LTBP1: variants seen among roughly 807,000 people sequenced by gnomAD.
LTBP1 encodes the protein latent-transforming growth factor beta-binding protein 1.
In LTBP1, 129 loss-of-function variants were observed where a neutral mutation model predicts 207.6. That is an observed-to-expected ratio of 0.62 (90% CI 0.54 to 0.72). LTBP1 has a LOEUF of 0.72. Ranked by LOEUF, LTBP1 falls within the 30% of genes least tolerant of loss-of-function variation. LTBP1 has a pLI of 0.00. For synonymous variants in LTBP1, 963 were observed against 833.7 expected, an observed-to-expected ratio of 1.16 and a Z score of -2.67; for missense variants, 2,281 against 2,217.2, an observed-to-expected ratio of 1.03 and a Z score of -0.58.
intron 2 of LTBP1, among the ~76,000 whole-genome samples, chr2:33,010,481 CAAT>C (rs1687523733): frequency 1.3e-5 from 2 of 151,994 alleles, no homozygotes; most frequent in African/African-American, 2.4e-5. Context: ...AAGTTAACAA[CAAT>C]GTGTTGTATA....
At position 33,314,118 on chromosome 2, in the gene LTBP1, A is replaced by G. The variant is rs1054351435; in HGVS notation, c.3605-1026A>G. ...AGCATAAAGTCGACAACACAAGTGT[A>G]TGGCATGATCTGTTCATGAGTCTTC... On this transcript the variant is annotated intron_variant, in intron 23 of 33. Coordinates refer to ENST00000404816, the MANE Select transcript of LTBP1 (RefSeq NM_206943.4). 9.2e-5 allele frequency among the ~76,000 whole-genome samples: 14 copies of G among 152,316 alleles called. 1 individual carries two copies. Among genetic ancestry groups the G allele is most frequent in the African/African-American group, 1.4e-4 (6 of 41,564 alleles).
At chr2:33,109,072 A>C (rs543358304) in intron 3 of LTBP1, among the ~76,000 whole-genome samples, 1 of 152,370 alleles carries the variant, frequency 6.6e-6, no homozygotes, top group Admixed American at 6.5e-5. Context: ...GGGTAGACCC[A>C]GATTACTGAC....
Position 32,956,432 on chromosome 2 carries a change from C to T in LTBP1, c.565+7487C>T, listed in dbSNP as rs1181691470. The stretch of plus-strand genomic sequence containing the variant: ...CAGCATCTTCGCCAGGAGTAGATTC[C>T]ATCTCAAGAAACCACCTTCTTTGCT... On this transcript the variant is annotated intron_variant, in intron 2 of 33. Coordinates refer to ENST00000404816, the MANE Select transcript of LTBP1 (RefSeq NM_206943.4). Among the ~76,000 whole-genome samples, 5 of 152,190 alleles carry T rather than the reference C, an allele frequency of 3.3e-5. No individual in the cohort carries two copies. The East Asian group carries it at 9.6e-4, about 29-fold the overall frequency.
chr2:33,078,996 T>C (rs1405903848), intron 3 of LTBP1, among the ~76,000 whole-genome samples: 2 of 151,818 alleles, frequency 1.3e-5, no homozygotes, highest in South Asian at 2.1e-4. Context: ...GTAGCTGGGA[T>C]TACAGGCGCA....
chr2:33,277,825 CTTTCT>C (rs1342421949), intron 18 of LTBP1, among the ~76,000 whole-genome samples: 6 of 86,398 alleles, frequency 6.9e-5, no homozygotes, highest in Non-Finnish European at 1.4e-4. Context: ...TTCTTTCTTT[CTTTCT>C]TTTTTTTTTT....
intron 2 of LTBP1, among the ~76,000 whole-genome samples, chr2:32,972,859 A>G (rs1242205285): frequency 2.0e-5 from 3 of 152,188 alleles, no homozygotes; most frequent in South Asian, 2.1e-4. Flanking sequence ...ATGTGGAGCT[A>G]TAAGTCAATT....
At chr2:33,251,304 C>T (rs1369629115) in intron 10 of LTBP1, among the ~76,000 whole-genome samples, 3 of 152,118 alleles carry the variant, frequency 2.0e-5, no homozygotes, top group African/African-American at 7.2e-5. Context: ...GAATCAAAGC[C>T]AAAGTGCCCC....
intron 2 of LTBP1, among the ~76,000 whole-genome samples, chr2:32,977,868 C>A (rs440235): frequency 6.6e-6 from 1 of 152,020 alleles, no homozygotes; most frequent in South Asian, 2.1e-4. Flanking sequence ...GATCAGTGTT[C>A]AGTTTGTTTC....
chr2:33,277,829 C>CTTTT (rs199950784), intron 18 of LTBP1, among the ~76,000 whole-genome samples: 3 of 85,188 alleles, frequency 3.5e-5, no homozygotes, highest in African/African-American at 5.3e-5. Flanking sequence ...TTCTTTCTTT[C>CTTTT]TTTTTTTTTT....
intron 20 of LTBP1, among the ~76,000 whole-genome samples, chr2:33,296,503 T>C (rs2093877684): frequency 6.6e-6 from 1 of 152,112 alleles, no homozygotes; most frequent in Admixed American, 6.6e-5. Context: ...GTGAATAATC[T>C]CAGGTTTCCA....
At chr2:33,217,937 A>T (rs1242329664) in intron 8 of LTBP1, among the ~76,000 whole-genome samples, 1 of 152,204 alleles carries the variant, frequency 6.6e-6, no homozygotes, top group Non-Finnish European at 1.5e-5. Context: ...TTTTTGTCTC[A>T]GGGGAAGAGA....
chr2:33,000,239 G>C (rs1264243972), intron 2 of LTBP1, among the ~76,000 whole-genome samples: 1 of 134,914 alleles, frequency 7.4e-6, no homozygotes, highest in African/African-American at 2.6e-5. Flanking sequence ...CGAGGCCCAG[G>C]AATCAGAATG....
chr2:33,315,105 AT>A (rs3216704), intron 23 of LTBP1, 38 bp from the exon 24 acceptor site: 1 of 1,566,504 alleles, frequency 6.4e-7, no homozygotes, highest in East Asian at 2.2e-5. Context: ...AATGAAACCG[AT>A]TTTTTTCAAG....
Position 33,134,452 on chromosome 2 carries a change from G to T in LTBP1, c.1034-341G>T. On this transcript the variant is annotated intron_variant, in intron 4 of 33. Transcript: ENST00000404816. This position sits in a 1 kb window ranked among gnomAD's most constrained non-coding sequence, Gnocchi z 4.4. ...CCTGTCAGGGTTGGCTCTTTAATCT[G>T]TCGTGCCCTCGGTATTGCTCTTTGT... The T allele has an allele frequency of 1.1e-6, 1 of 892,772 alleles. No homozygotes were observed. Among genetic ancestry groups the T allele is most frequent in the Non-Finnish European group, 1.7e-6 (1 of 593,214 alleles). The allele number at this position is 892,772 out of a possible 1,614,324, so 55.3% of individuals were successfully genotyped here.
intron 3 of LTBP1, among the ~76,000 whole-genome samples, chr2:33,087,342 A>C (rs1337101031): frequency 6.6e-6 from 1 of 152,136 alleles, no homozygotes; most frequent in East Asian, 1.9e-4. Flanking sequence ...TGTTGGGATT[A>C]CAGGCATGAG....
chr2:33,260,478 C>A (rs2092979589), intron 13 of LTBP1, among the ~76,000 whole-genome samples: 1 of 152,012 alleles, frequency 6.6e-6, no homozygotes, highest in Non-Finnish European at 1.5e-5. Context: ...GACAAGAATG[C>A]ATTATTAGAA....
chr2:33,329,832 A>G (rs994653162), intron 24 of LTBP1, among the ~76,000 whole-genome samples: 7 of 152,026 alleles, frequency 4.6e-5, no homozygotes, highest in African/African-American at 7.2e-5. Flanking sequence ...AACTTCTTCA[A>G]TTCTGTTCTT....
At chr2:33,042,130 G>T (rs1476970372) in intron 3 of LTBP1, among the ~76,000 whole-genome samples, 3 of 152,110 alleles carry the variant, frequency 2.0e-5, no homozygotes, top group Non-Finnish European at 4.4e-5. Context: ...CTTTGCATAT[G>T]CGTACTTGCC....
intron 3 of LTBP1, among the ~76,000 whole-genome samples, chr2:33,060,690 C>A (rs1206654504): frequency 1.4e-5 from 2 of 148,134 alleles, no homozygotes; most frequent in South Asian, 2.2e-4. Context: ...TAAAGAAATG[C>A]ATTTGTCATG....
Sources: allele counts gnomAD v4.1 joint callset (sites outside exome capture counted in the v4.1 genomes callset), GRCh38; gene constraint gnomAD v4.1.1; non-coding constraint Gnocchi (gnomAD v3.1); transcripts MANE v1.5; gene names NCBI Gene and HGNC (gene_info 2026-07-23, HGNC 2026-07-21).